Variants in MAX observed in about 807,000 individuals in gnomAD.
MAX encodes MYC associated transcriptional regulator X.
In MAX, 3 loss-of-function variants were observed where a neutral mutation model predicts 22.3. The observed-to-expected ratio is 0.13, with a 90% CI of 0.06 to 0.35. The LOEUF (loss-of-function observed/expected upper bound fraction) is 0.35, where lower values mean the gene tolerates loss of function less well. Ranked by LOEUF, MAX falls within the 10% of genes least tolerant of loss-of-function variation. The probability of loss-of-function intolerance (pLI) is 1.00; values close to 1 mark genes in which losing one functional copy is unlikely to be tolerated. For missense variants in MAX, 119 were observed against 209.4 expected (o/e 0.57, Z 2.66); for synonymous variants, 72 against 77.7 (o/e 0.93, Z 0.39).
At position 65,012,376 on chromosome 14, in the gene MAX, C is replaced by T; in HGVS notation, c.172-6092G>A. 6.2e-7 allele frequency: 1 copy of T among 1,614,138 alleles called. No individual in the cohort carries two copies. Among genetic ancestry groups the T allele is most frequent in the Non-Finnish European group, 8.5e-7 (1 of 1,179,976 alleles). On this transcript the variant is annotated intron_variant, in intron 3 of 3. Coordinates refer to the MAX transcript ENST00000341653. This position sits in a 1 kb window ranked among gnomAD's most constrained non-coding sequence, Gnocchi z 5.0. Reference sequence around the variant, plus strand: ...CTGAAAAGAGGCCTTCGACAACTGACAGATGCCTATGAGGTAAACACATTA... The same window carrying T: ...CTGAAAAGAGGCCTTCGACAACTGATAGATGCCTATGAGGTAAACACATTA...
chr14:65,066,855 T>C, intron 3 of MAX, among the ~76,000 whole-genome samples: 1 of 105,798 alleles, frequency 9.5e-6, no homozygotes. Context: ...AGAGTGAAAT[T>C]CCATCTCAAA....
At chr14:65,051,007 T>C (rs147677151) in intron 3 of MAX, among the ~76,000 whole-genome samples, 286 of 152,366 alleles carry the variant, frequency 1.9e-3, no homozygotes, top group African/African-American at 6.5e-3. Context: ...CAAAGTTCAC[T>C]GTGCTTACAG....
downstream of MAX, among the ~76,000 whole-genome samples, chr14:65,070,327 G>C (rs1247760551): frequency 6.6e-6 from 1 of 151,970 alleles, no homozygotes; most frequent in Non-Finnish European, 1.5e-5. The surrounding 1 kb of genome is among the most constrained non-coding windows in gnomAD (Gnocchi z 4.4). Flanking sequence ...CTTAATATTG[G>C]ATCCTTGATT....
chr14:65,062,958 A>G lies in MAX; in HGVS notation c.171+30750T>C, dbSNP rs1238875218. 6.6e-6 allele frequency among the ~76,000 whole-genome samples: 1 copy of G among 152,210 alleles called. No homozygotes were observed. The highest frequency in any genetic ancestry group is 1.9e-4 in the East Asian group (1 of 5,198). On this transcript the variant is annotated intron_variant, in intron 3 of 3. Coordinates refer to the MAX transcript ENST00000341653. The surrounding 1 kb of genome is among the most constrained non-coding windows in gnomAD (Gnocchi z 4.3). ...ACAGACAGCAAGGACTGGGCCTAGT[A>G]GCCCCAGAGCAGGCTGACTTAGCAA...
In MAX at chr14:65,030,391, T is replaced by G. The variant is rs1188712472; in HGVS notation, c.172-24107A>C. The stretch of plus-strand genomic sequence containing the variant: ...TAATGCATGCAGCTTCTGCAGAGAC[T>G]TCTTTGGAATACCTCAGTAAGTCTG... On this transcript the variant is annotated intron_variant, in intron 3 of 3. Transcript: ENST00000341653. The surrounding 1 kb of genome is among the most constrained non-coding windows in gnomAD (Gnocchi z 4.5). Among the ~76,000 whole-genome samples the G allele has an allele frequency of 6.6e-6, 1 of 152,194 alleles. No homozygotes were observed. The highest frequency in any genetic ancestry group is 6.5e-5 in the Admixed American group (1 of 15,274).
At chr14:65,092,909 C>A (rs1285697835) in intron 3 of MAX, among the ~76,000 whole-genome samples, 3 of 152,182 alleles carry the variant, frequency 2.0e-5, no homozygotes, top group African/African-American at 7.2e-5. Flanking sequence ...AACACAGGTC[C>A]TCTTCCCAGC....
At chr14:65,018,939 C>A (rs534247925) in intron 3 of MAX, among the ~76,000 whole-genome samples, 2 of 151,570 alleles carry the variant, frequency 1.3e-5, no homozygotes, top group Admixed American at 6.6e-5. Context: ...GGAGAAACCC[C>A]GTCTCTACTA....
chr14:65,077,762 ACACT>A lies in MAX; in HGVS notation c.295+147_295+150del, dbSNP rs1566600202. 1.9e-6 allele frequency: 3 copies of A among 1,612,878 alleles called. No individual in the cohort carries two copies. The highest frequency in any genetic ancestry group is 2.5e-6 in the Non-Finnish European group (3 of 1,179,702). Reference sequence around the variant, plus strand: ...CAGGTCCTTCCTCAGGACGGCTCTAACACTCAGTTACTCAGGCCCCAAGAAGCAG... The same window carrying A: ...CAGGTCCTTCCTCAGGACGGCTCTAACAGTTACTCAGGCCCCAAGAAGCAG... On this transcript the variant is annotated intron_variant, in intron 4 of 4. Coordinates refer to ENST00000358664, the MANE Select transcript of MAX (RefSeq NM_002382.5). This position sits in a 1 kb window ranked among gnomAD's most constrained non-coding sequence, Gnocchi z 6.3.
intron 3 of MAX, chr14:65,061,152 T>TTAAC (rs1874933200): frequency 3.1e-6 from 5 of 1,612,926 alleles, no homozygotes; most frequent in Non-Finnish European, 4.2e-6. Context: ...ACCGGGGTGA[T>TTAAC]TAACTGGCAC....
In MAX at chr14:65,028,161, G is replaced by A. The variant is rs1275532084; in HGVS notation, c.172-21877C>T. Among the ~76,000 whole-genome samples, 3 of 152,340 alleles carry A rather than the reference G, an allele frequency of 2.0e-5. No homozygotes were observed. Among genetic ancestry groups the A allele is most frequent in the East Asian group, 3.9e-4 (2 of 5,194 alleles). ...CAGGGCCTCAGTAAATACCTTCTGA[G>A]TGAATTTGATGAAATCATGAGAATG... On this transcript the variant is annotated intron_variant, in intron 3 of 3. Coordinates refer to the MAX transcript ENST00000341653. The surrounding 1 kb of genome is among the most constrained non-coding windows in gnomAD (Gnocchi z 4.4).
rs563432284 is a variant in MAX at position 65,019,262 on chromosome 14, G to A, written c.172-12978C>T. Among the ~76,000 whole-genome samples the A allele has an allele frequency of 9.5e-4, 145 of 152,198 alleles. 2 individuals are homozygous for A. Among genetic ancestry groups the A allele is most frequent in the African/African-American group, 3.0e-3 (125 of 41,536 alleles). The stretch of plus-strand genomic sequence containing the variant: ...AGGACTTTGAGAGGCTGAGACAGGC[G>A]GATTACTTGAGGTCAGGAGTTCGAG... On this transcript the variant is annotated intron_variant, in intron 3 of 3. Transcript: ENST00000341653.
chr14:65,024,989 T>C (rs2061953969), intron 3 of MAX, among the ~76,000 whole-genome samples: 1 of 152,236 alleles, frequency 6.6e-6, no homozygotes, highest in African/African-American at 2.4e-5. Context: ...TCAGAATTGC[T>C]AAGAAGTCTG....
In MAX at chr14:65,084,811, A is replaced by C. The variant is rs1356133246; in HGVS notation, c.172-6775T>G. On this transcript the variant is annotated intron_variant, in intron 3 of 4. Transcript: ENST00000358664. The surrounding 1 kb of genome is among the most constrained non-coding windows in gnomAD (Gnocchi z 4.3). The stretch of plus-strand genomic sequence containing the variant: ...GAGCATGTAGATGAAGAGACCAGGA[A>C]GGAATACACAAATTGATAACACTAT... 6.6e-6 allele frequency among the ~76,000 whole-genome samples: 1 copy of C among 152,242 alleles called. No individual in the cohort carries two copies. The highest frequency in any genetic ancestry group is 1.5e-5 in the Non-Finnish European group (1 of 68,048).
chr14:65,093,565 T>C lies in MAX; in HGVS notation c.171+143A>G. The C allele has an allele frequency of 1.4e-6, 1 of 697,912 alleles. No individual in the cohort carries two copies. The highest frequency in any genetic ancestry group is 1.5e-5 in the South Asian group (1 of 66,448). The allele number at this position is 697,912 out of a possible 1,614,324, so 43.2% of individuals were successfully genotyped here. A position where few individuals can be genotyped will look rare whatever the true frequency, so the allele number is the denominator to read the frequency against. On this transcript the variant is annotated intron_variant, in intron 3 of 4. Transcript: ENST00000358664. The surrounding 1 kb of genome is among the most constrained non-coding windows in gnomAD (Gnocchi z 4.4). ...GAGTACGTAAGGTGTGCAGTGATCC[T>C]CCAAACAGTCAAAAATAAGGCAACC... is the stretch of plus-strand genomic sequence containing the variant.
chr14:65,060,691 C>G (rs2062843123), intron 3 of MAX, among the ~76,000 whole-genome samples: 1 of 45,294 alleles, frequency 2.2e-5, no homozygotes, highest in Non-Finnish European at 3.7e-5. Flanking sequence ...GCGAGAGACT[C>G]CGTCTCAAAA....
intron 3 of MAX, chr14:65,022,243 G>T: frequency 6.0e-6 from 2 of 333,982 alleles, no homozygotes; most frequent in South Asian, 2.3e-5. Context: ...TTCTGCCCAT[G>T]GATGACTGTT....
chr14:65,037,261 G>A (rs139532941), intron 3 of MAX, among the ~76,000 whole-genome samples: 8,018 of 150,458 alleles, frequency 0.053, 719 homozygotes, highest in African/African-American at 0.18. Context: ...CCACGACCAC[G>A]CCCAGCTAAT....
At chr14:65,091,944 A>C (rs1232796568) in intron 3 of MAX, 2 of 152,208 alleles carry the variant, frequency 1.3e-5, no homozygotes, top group African/African-American at 4.8e-5. Flanking sequence ...GTATGTGTTG[A>C]ATGGCATGAA....
At position 65,077,697 on chromosome 14, in the gene MAX, G is replaced by A. The variant is rs1005062220; in HGVS notation, c.295+216C>T. ...CCAGAAAAGATACAAGTCTCCAGAT[G>A]TCCAACTTCCTAGCTTCCACTGTCT... On this transcript the variant is annotated intron_variant, in intron 4 of 4. Coordinates refer to ENST00000358664, the MANE Select transcript of MAX (RefSeq NM_002382.5). This position sits in a 1 kb window ranked among gnomAD's most constrained non-coding sequence, Gnocchi z 6.3. 9.0e-6 allele frequency: 14 copies of A among 1,558,448 alleles called. No individual in the cohort carries two copies. Among genetic ancestry groups the A allele is most frequent in the South Asian group, 1.2e-5 (1 of 86,392 alleles).
Sources: allele counts gnomAD v4.1 joint callset (sites outside exome capture counted in the v4.1 genomes callset), GRCh38; gene constraint gnomAD v4.1.1; non-coding constraint Gnocchi (gnomAD v3.1); transcripts MANE v1.5; gene names NCBI Gene and HGNC (gene_info 2026-07-23, HGNC 2026-07-21).